Variants in SLC44A5 observed in about 807,000 individuals in gnomAD.
SLC44A5 encodes choline transporter-like protein 5.
Under a neutral mutation model 101.8 loss-of-function variants are expected in SLC44A5, and 57 were observed. The ratio of observed to expected loss-of-function variants is 0.56; its 90% CI spans 0.45 to 0.70. The LOEUF (loss-of-function observed/expected upper bound fraction) is 0.70. Among genes scored for constraint, SLC44A5 ranks in the 30% least tolerant of loss-of-function variants. The probability of loss-of-function intolerance (pLI) is 0.00; values close to 1 mark genes in which losing one functional copy is unlikely to be tolerated. For synonymous variants in SLC44A5, 281 were observed against 290.9 expected (o/e 0.97, Z 0.35); for missense variants, 737 against 853.1 (o/e 0.86, Z 1.70).
chr1:75,563,571 A>C (rs192863270), intron 1 of SLC44A5, among the ~76,000 whole-genome samples: 41 of 152,210 alleles, frequency 2.7e-4, no homozygotes, highest in Admixed American at 2.0e-3. Context: ...AGAATGACTA[A>C]ATGAATACCT....
At chr1:75,619,898 A>C in the SLC44A5 span, among the ~76,000 whole-genome samples, 1 of 152,192 alleles carries the variant, frequency 6.6e-6, no homozygotes, top group African/African-American at 2.4e-5. Flanking sequence ...TTTGTTACAT[A>C]GGTATTCACG....
At chr1:75,389,118 AC>A (rs55985739) in intron 3 of SLC44A5, among the ~76,000 whole-genome samples, 163 of 152,330 alleles carry the variant, frequency 1.1e-3, no homozygotes, top group Non-Finnish European at 1.9e-3. Context: ...GTTCATTTAA[AC>A]AAAAAAGACA....
At chr1:75,714,833 C>T in the SLC44A5 span, among the ~76,000 whole-genome samples, 1 of 152,128 alleles carries the variant, frequency 6.6e-6, no homozygotes, top group African/African-American at 2.4e-5. Flanking sequence ...GCCACCACAC[C>T]CAGCTAATTT....
the SLC44A5 span, among the ~76,000 whole-genome samples, chr1:75,709,323 A>G: frequency 6.6e-6 from 1 of 152,228 alleles, no homozygotes; most frequent in African/African-American, 2.4e-5. Flanking sequence ...TGAAAAGCAT[A>G]TAAGTAGAAA....
intron 2 of SLC44A5, among the ~76,000 whole-genome samples, chr1:75,445,996 C>T (rs1162199784): frequency 6.6e-6 from 1 of 152,088 alleles, no homozygotes; most frequent in Non-Finnish European, 1.5e-5. Flanking sequence ...CTCATATGAG[C>T]TCTACCTCCA....
intron 2 of SLC44A5, among the ~76,000 whole-genome samples, chr1:75,519,581 C>T (rs1570507963): frequency 6.6e-6 from 1 of 152,042 alleles, no homozygotes; most frequent in Admixed American, 6.6e-5. Flanking sequence ...TTATTATTTG[C>T]ATCATGCACA....
chr1:75,233,488 A>G (rs1570427572), intron 12 of SLC44A5, among the ~76,000 whole-genome samples: 1 of 152,102 alleles, frequency 6.6e-6, no homozygotes, highest in African/African-American at 2.4e-5. Context: ...TCTCCATACA[A>G]AAGTGTAATT....
At chr1:75,296,281 C>G (rs1162178585) in intron 5 of SLC44A5, among the ~76,000 whole-genome samples, 3 of 152,076 alleles carry the variant, frequency 2.0e-5, no homozygotes, top group Non-Finnish European at 4.4e-5. Flanking sequence ...GATTGCAGAT[C>G]CTACTTCTCA....
At chr1:75,541,096 G>A (rs1252329009) in intron 2 of SLC44A5, among the ~76,000 whole-genome samples, 1 of 152,104 alleles carries the variant, frequency 6.6e-6, no homozygotes, top group East Asian at 1.9e-4. Flanking sequence ...TGAGGGAGAG[G>A]GGGCAACGCT....
rs550601794 is a variant in SLC44A5 at position 75,280,443 on chromosome 1, G to C, written c.176-5401C>G. On this transcript the variant is annotated intron_variant, in intron 5 of 23. Transcript: ENST00000370859. ...ATATATATTGTATATATTATATATA[G>C]TATATATTATATATAGTATATATAA... is the stretch of plus-strand genomic sequence containing the variant. 4.8e-3 allele frequency among the ~76,000 whole-genome samples: 437 copies of C among 90,942 alleles called. 26 individuals are homozygous for C. Among genetic ancestry groups the C allele is most frequent in the African/African-American group, 0.024 (415 of 17,650 alleles). The allele number at this position is 90,942 out of a possible 152,430, so 59.7% of individuals were successfully genotyped here.
the SLC44A5 span, among the ~76,000 whole-genome samples, chr1:75,683,763 T>G: frequency 7.2e-6 from 1 of 139,750 alleles, no homozygotes; most frequent in African/African-American, 3.2e-5. Flanking sequence ...TAATAACAAA[T>G]AAATAAATAA....
At chr1:75,331,388 C>T (rs937136616) in intron 4 of SLC44A5, among the ~76,000 whole-genome samples, 14 of 152,154 alleles carry the variant, frequency 9.2e-5, no homozygotes, top group African/African-American at 3.4e-4. Context: ...ACTCTTGACT[C>T]ATTTTTTCTC....
chr1:75,704,431 C>T, the SLC44A5 span, among the ~76,000 whole-genome samples: 1 of 152,112 alleles, frequency 6.6e-6, no homozygotes, highest in African/African-American at 2.4e-5. Context: ...CAAGTACAGC[C>T]TATGCAAAAT....
At chr1:75,343,395 G>A (rs1658024925) in intron 3 of SLC44A5, among the ~76,000 whole-genome samples, 1 of 152,034 alleles carries the variant, frequency 6.6e-6, no homozygotes, top group South Asian at 2.1e-4. Flanking sequence ...CAATTCATAG[G>A]GGCAGATTTC....
At chr1:75,279,351 A>G (rs1018696111) in intron 5 of SLC44A5, among the ~76,000 whole-genome samples, 1 of 152,040 alleles carries the variant, frequency 6.6e-6, no homozygotes, top group Non-Finnish European at 1.5e-5. Flanking sequence ...GACATGGGAA[A>G]GTCAAGCAGA....
At chr1:75,545,119 G>C (rs11163638) in intron 1 of SLC44A5, among the ~76,000 whole-genome samples, 2 of 151,742 alleles carry the variant, frequency 1.3e-5, no homozygotes, top group Admixed American at 1.3e-4. Flanking sequence ...TTGGTTTTCC[G>C]TTCTTGTGAT....
At chr1:75,573,659 T>C (rs1040188649) in intron 1 of SLC44A5, among the ~76,000 whole-genome samples, 1 of 152,162 alleles carries the variant, frequency 6.6e-6, no homozygotes, top group African/African-American at 2.4e-5. Flanking sequence ...ACAGGGAGCG[T>C]AACCCAACCC....
At chr1:75,641,380 A>C in the SLC44A5 span, 1 of 854,042 alleles carries the variant, frequency 1.2e-6, no homozygotes, top group Non-Finnish European at 2.0e-6. Flanking sequence ...TAAACTCTTC[A>C]TGTGTATATG....
At chr1:75,376,203 C>T (rs1302575698) in intron 3 of SLC44A5, among the ~76,000 whole-genome samples, 1 of 152,246 alleles carries the variant, frequency 6.6e-6, no homozygotes, top group Non-Finnish European at 1.5e-5. Context: ...TGGAGTCTCG[C>T]TGATTGCTAG....
Sources: gnomAD v4.1 joint callset for allele counts (sites outside exome capture counted in the v4.1 genomes callset) on GRCh38, gnomAD v4.1.1 for gene constraint, MANE v1.5 for transcripts, NCBI Gene and HGNC (gene_info 2026-07-23, HGNC 2026-07-21) for gene names.